Variants in AKAP13 observed in about 807,000 individuals in gnomAD.
The protein encoded by AKAP13 is A-kinase anchoring protein 13.
A neutral mutation model predicts 264.5 loss-of-function variants in AKAP13; 80 were observed. The ratio of observed to expected loss-of-function variants is 0.30; its 90% CI spans 0.25 to 0.36. The LOEUF is 0.36. Ranked by LOEUF, AKAP13 falls within the 10% of genes least tolerant of loss-of-function variation. The pLI, the probability that AKAP13 is intolerant of heterozygous loss-of-function variation, is 1.00. For missense variants in AKAP13, 3,712 were observed against 3,435.2 expected (o/e 1.08, Z -2.01); for synonymous variants, 1,380 against 1,250.2 (o/e 1.10, Z -2.19).
chr15:85,642,726 G>T (rs1251416694), intron 9 of AKAP13, among the ~76,000 whole-genome samples: 1 of 152,052 alleles, frequency 6.6e-6, no homozygotes, highest in Non-Finnish European at 1.5e-5. Context: ...TTATTTTCTG[G>T]GTGAGGTATT....
In AKAP13 at chr15:85,707,157, G is replaced by C. The variant is rs545936649; in HGVS notation, c.5465-862G>C. 5.3e-5 allele frequency among the ~76,000 whole-genome samples: 8 copies of C among 152,254 alleles called. 1 individual carries two copies. In the East Asian group the frequency reaches 1.5e-3, roughly 29 times the overall value. ...GTCTCCTCGAGTGTCCCCACAGGCCGATCTTTCATTTGTTTCTGCTTTACC... is the reference window on the plus strand; with the variant it reads ...GTCTCCTCGAGTGTCCCCACAGGCCCATCTTTCATTTGTTTCTGCTTTACC... On this transcript the variant is annotated intron_variant, in intron 17 of 36. Coordinates refer to ENST00000394518, the MANE Select transcript of AKAP13 (RefSeq NM_007200.5).
chr15:85,384,043 T>C (rs1467856513), intron 1 of AKAP13, among the ~76,000 whole-genome samples: 2 of 152,236 alleles, frequency 1.3e-5, no homozygotes, highest in South Asian at 2.1e-4. Context: ...ATGGAGTAGA[T>C]ACATTCTAGA....
chr15:85,504,184 C>G (rs753133594), intron 2 of AKAP13, among the ~76,000 whole-genome samples: 9 of 151,988 alleles, frequency 5.9e-5, no homozygotes, highest in African/African-American at 2.2e-4. Flanking sequence ...TAGGTGAGAG[C>G]AGAAGTCAGA....
At chr15:85,406,072 A>C (rs1006949157) in intron 1 of AKAP13, among the ~76,000 whole-genome samples, 1 of 152,168 alleles carries the variant, frequency 6.6e-6, no homozygotes, top group Non-Finnish European at 1.5e-5. Flanking sequence ...GGCTGGTTTC[A>C]AACTCCTGGC....
chr15:85,624,715 C>A (rs2081336564), intron 8 of AKAP13: 1 of 152,224 alleles, frequency 6.6e-6, no homozygotes, highest in Admixed American at 6.5e-5. Context: ...TGGGTGTAAC[C>A]ATGAGCTGTA....
chr15:85,465,173 C>T (rs1158848195), intron 1 of AKAP13, among the ~76,000 whole-genome samples: 2 of 148,352 alleles, frequency 1.3e-5, no homozygotes, highest in Non-Finnish European at 3.0e-5. Flanking sequence ...AGGATGGTCT[C>T]GATCTCCTGA....
intron 8 of AKAP13, among the ~76,000 whole-genome samples, chr15:85,629,476 A>G (rs1439293135): frequency 6.6e-6 from 1 of 152,212 alleles, no homozygotes; most frequent in African/African-American, 2.4e-5. Context: ...AAGATTATTC[A>G]TTAGGCATCC....
intron 5 of AKAP13, among the ~76,000 whole-genome samples, chr15:85,567,152 G>C (rs991950504): frequency 2.6e-5 from 4 of 152,080 alleles, no homozygotes; most frequent in Admixed American, 2.6e-4. Flanking sequence ...TCTGTTGCCA[G>C]GCTAGAGTGC....
At chr15:85,659,081 A>G (rs899733634) in intron 12 of AKAP13, among the ~76,000 whole-genome samples, 1 of 152,314 alleles carries the variant, frequency 6.6e-6, no homozygotes, top group South Asian at 2.1e-4. Flanking sequence ...TTTCCATTCC[A>G]TTGTGGATAT....
chr15:85,581,386 G>C lies in AKAP13; in HGVS notation c.3318G>C (p.Glu1106Asp). ...ALQGMAEPRR[E>D]NISHNTQDIL... The stretch of plus-strand genomic sequence containing the variant: ...AAGGTATGGCTGAGCCCAGAAGAGA[G>C]AATATATCACACAACACCCAAGACA... The change falls in exon 7 of 37, where the codon GAG (glutamate) becomes GAC (aspartate). Residue 1106 changes from glutamate (E) to aspartate (D), a missense_variant. Glu to Asp is a conservative substitution (Grantham distance 45, BLOSUM62 2). Transcript: ENST00000394518. The C allele has an allele frequency of 6.2e-7, 1 of 1,614,212 alleles. No individual in the cohort carries two copies. Among genetic ancestry groups the C allele is most frequent in the South Asian group, 1.1e-5 (1 of 91,090 alleles).
At chr15:85,714,324 G>C (rs1266842400) in intron 19 of AKAP13, among the ~76,000 whole-genome samples, 1 of 152,188 alleles carries the variant, frequency 6.6e-6, no homozygotes, top group East Asian at 1.9e-4. Context: ...AAGAAGGGTT[G>C]GTCTTGCTGT....
At chr15:85,722,996 G>C in intron 25 of AKAP13, 76 bp from the exon 26 acceptor site, 1 of 1,541,482 alleles carries the variant, frequency 6.5e-7, no homozygotes, top group Non-Finnish European at 8.8e-7. Flanking sequence ...GATATGGAGT[G>C]AGAAGTCAGG....
intron 1 of AKAP13, among the ~76,000 whole-genome samples, chr15:85,458,463 A>AT (rs773976724): frequency 1.2e-4 from 17 of 141,324 alleles, no homozygotes; most frequent in Non-Finnish European, 2.3e-4. Context: ...CTTTACATTG[A>AT]TTAAGCATTT....
chr15:85,538,824 A>G (rs2077488405), intron 4 of AKAP13, among the ~76,000 whole-genome samples: 1 of 140,552 alleles, frequency 7.1e-6, no homozygotes, highest in South Asian at 2.3e-4. Flanking sequence ...TCGTAGCTAC[A>G]TTAGTGTTTG....
At chr15:85,582,196 T>C in intron 7 of AKAP13, 89 bp downstream of exon 7, 1 of 1,413,676 alleles carries the variant, frequency 7.1e-7, no homozygotes, top group Non-Finnish European at 9.3e-7. Context: ...ATAGGCATCT[T>C]TGTTGTTTTG....
At chr15:85,554,576 C>T (rs2078072382) in intron 5 of AKAP13, among the ~76,000 whole-genome samples, 1 of 151,918 alleles carries the variant, frequency 6.6e-6, no homozygotes, top group Admixed American at 6.6e-5. Context: ...GCAGGCTTCC[C>T]TTACTTTTTT....
chr15:85,539,967 G>C (rs934738150), intron 4 of AKAP13, among the ~76,000 whole-genome samples: 9 of 152,118 alleles, frequency 5.9e-5, no homozygotes, highest in African/African-American at 2.2e-4. Flanking sequence ...AATAAAATCA[G>C]GTTTATTATG....
intron 2 of AKAP13, 148 bp from the exon 3 acceptor site, chr15:85,521,280 T>A: frequency 1.1e-6 from 1 of 899,772 alleles, no homozygotes; most frequent in Non-Finnish European, 1.7e-6. Flanking sequence ...GTATAAGTGC[T>A]CAATCTTTAT....
At chr15:85,454,065 G>A (rs1363227253) in intron 1 of AKAP13, among the ~76,000 whole-genome samples, 1 of 152,216 alleles carries the variant, frequency 6.6e-6, no homozygotes, top group Non-Finnish European at 1.5e-5. Flanking sequence ...CTGGCAGCTG[G>A]CTAGAATTCC....
Sources: allele counts gnomAD v4.1 joint callset (sites outside exome capture counted in the v4.1 genomes callset), GRCh38; gene constraint gnomAD v4.1.1; transcripts MANE v1.5; gene names NCBI Gene and HGNC (gene_info 2026-07-23, HGNC 2026-07-21).